The following DST variants were observed in gnomAD, a reference collection of about 807,000 sequenced individuals.
DST encodes dystonin.
Under a neutral mutation model 875.2 loss-of-function variants are expected in DST, and 253 were observed. That is an observed-to-expected ratio of 0.29 (90% CI 0.26 to 0.32). The LOEUF (loss-of-function observed/expected upper bound fraction) is 0.32, where lower values mean the gene tolerates loss of function less well. DST is among the 10% of genes least tolerant of loss of function. DST has a pLI of 1.00. For synonymous variants in DST, 3,124 were observed against 3,197.1 expected, an observed-to-expected ratio of 0.98 and a Z score of 0.77; for missense variants, 8,287 against 9,111.6, an observed-to-expected ratio of 0.91 and a Z score of 3.68.
chr6:56,844,345 C>A (rs1054002765), intron 4 of DST, among the ~76,000 whole-genome samples: 1 of 152,204 alleles, frequency 6.6e-6, no homozygotes, highest in African/African-American at 2.4e-5. Flanking sequence ...CCCACAGGCG[C>A]ATCTGCTGCT....
chr6:56,645,823 C>A, intron 15 of DST, 43 bp downstream of exon 15: 1 of 1,602,964 alleles, frequency 6.2e-7, no homozygotes, highest in Non-Finnish European at 8.5e-7. Flanking sequence ...ACAAAGGCCC[C>A]CTCCCCACTT....
rs536532058 is a variant in DST, at chr6:56,927,107, T to A, written c.217-26486A>T. Among the ~76,000 whole-genome samples the A allele has an allele frequency of 4.5e-4, 69 of 152,312 alleles. No homozygotes were observed. The Middle Eastern group carries it at 0.01, about 23-fold the overall frequency. ...CAGAGACATGCTGCCTGTTTCACAG[T>A]TTGATCTAAACTAATGCTGGTAGCC... is the stretch of plus-strand genomic sequence containing the variant. On this transcript the variant is annotated intron_variant, in intron 2 of 103. Transcript: ENST00000680361.
chr6:56,871,088 A>G (rs1485041728), intron 3 of DST: 3 of 527,434 alleles, frequency 5.7e-6, no homozygotes, highest in Non-Finnish European at 1.0e-5. Context: ...TTTGCAGAAG[A>G]GAAAACATAT....
intron 4 of DST, among the ~76,000 whole-genome samples, chr6:56,840,861 C>T (rs2099799111): frequency 6.6e-6 from 1 of 152,124 alleles, no homozygotes; most frequent in Non-Finnish European, 1.5e-5. Context: ...GAATTGGTTC[C>T]AGCTGACTCC....
At position 56,714,452 on chromosome 6, in the gene DST, A is replaced by G. The variant is rs1466932288; in HGVS notation, c.688-10083T>C. ...CTTAAAAACTAGTTTTCCCAGTTGT[A>G]AAAGCCCAGTGTCACAGAAGAGGTA... is the stretch of plus-strand genomic sequence containing the variant. On this transcript the variant is annotated intron_variant, in intron 5 of 103. Coordinates refer to ENST00000680361, the MANE Select transcript of DST (RefSeq NM_001374736.1). The surrounding 1 kb of genome is among the most constrained non-coding windows in gnomAD (Gnocchi z 4.5). Among the ~76,000 whole-genome samples the G allele has an allele frequency of 1.3e-5, 2 of 152,180 alleles. No individual in the cohort carries two copies. Among genetic ancestry groups the G allele is most frequent in the African/African-American group, 4.8e-5 (2 of 41,448 alleles).
intron 4 of DST, among the ~76,000 whole-genome samples, chr6:56,790,050 C>T (rs1043696734): frequency 1.3e-5 from 2 of 152,158 alleles, no homozygotes; most frequent in East Asian, 3.8e-4. Context: ...GAGGTGAGCT[C>T]ATTTCTCTTC....
intron 9 of DST, among the ~76,000 whole-genome samples, chr6:56,671,489 A>G (rs2099101389): frequency 6.6e-6 from 1 of 152,150 alleles, no homozygotes; most frequent in Admixed American, 6.6e-5. Flanking sequence ...ACCTTTATCA[A>G]CTGATTTTTT....
At chr6:56,924,531 A>G (rs1316258849) in intron 2 of DST, among the ~76,000 whole-genome samples, 1 of 152,216 alleles carries the variant, frequency 6.6e-6, no homozygotes, top group East Asian at 1.9e-4. Context: ...TGCTTAAACA[A>G]GAAAATCTGA....
At chr6:56,725,468 C>T (rs139135241) in intron 5 of DST, among the ~76,000 whole-genome samples, 3,135 of 152,282 alleles carry the variant, frequency 0.021, 37 homozygotes, top group Middle Eastern at 0.079. Flanking sequence ...ACCAGCTGCT[C>T]TGGGAGTCCA....
rs1324863092 is a variant in DST at position 56,511,385 on chromosome 6, T to A, written c.18592A>T (p.Ile6198Leu). Residue 6198 changes from isoleucine (I) to leucine (L), a missense_variant, in exon 73 of 104, where the codon ATA becomes TTA. Ile to Leu is a conservative substitution (Grantham distance 5). Transcript: ENST00000680361. ...QEEHRQLREL[I>L]AEHKPHIDKM... The stretch of plus-strand genomic sequence containing the variant: ...TCTATATGAGGCTTGTGTTCAGCTA[T>A]CAACTCACGCAGTTGCTATAACAAA... 1 of 1,604,590 alleles carries A rather than the reference T, an allele frequency of 6.2e-7. No homozygotes were observed. The highest frequency in any genetic ancestry group is 1.7e-5 in the Admixed American group (1 of 58,828).
At chr6:56,878,589 A>G (rs569216652) in intron 3 of DST, among the ~76,000 whole-genome samples, 5 of 152,326 alleles carry the variant, frequency 3.3e-5, no homozygotes, top group Admixed American at 3.3e-4. Flanking sequence ...AGGCAGGAAT[A>G]CACAAGCAAA....
chr6:56,686,640 T>G (rs751533702), intron 9 of DST, among the ~76,000 whole-genome samples: 19 of 152,142 alleles, frequency 1.2e-4, no homozygotes, highest in Non-Finnish European at 2.5e-4. Context: ...TAGTAAATAT[T>G]TGCTAAAGAA....
chr6:56,739,613 T>G (rs767242270), intron 4 of DST, among the ~76,000 whole-genome samples: 4 of 152,118 alleles, frequency 2.6e-5, no homozygotes, highest in Non-Finnish European at 5.9e-5. Context: ...CAGGTTGAGA[T>G]AGGAGGTCAG....
chr6:56,587,287 G>A (rs1327068484), intron 49 of DST, among the ~76,000 whole-genome samples: 2 of 152,130 alleles, frequency 1.3e-5, no homozygotes, highest in Non-Finnish European at 2.9e-5. Flanking sequence ...GAGCCGATGC[G>A]ATCAACTGGA....
intron 37 of DST, among the ~76,000 whole-genome samples, chr6:56,613,302 C>A (rs9357927): frequency 3.3e-5 from 5 of 151,960 alleles, no homozygotes; most frequent in African/African-American, 1.2e-4. Context: ...AAGACTATGA[C>A]TGAATACTTC....
intron 2 of DST, among the ~76,000 whole-genome samples, chr6:56,950,100 C>G (rs1592877463): frequency 6.6e-6 from 1 of 152,272 alleles, no homozygotes; most frequent in African/African-American, 2.4e-5. Flanking sequence ...AATTCAACAC[C>G]AGAGGACAGA....
At chr6:56,566,341 G>C (rs1410000246) in intron 55 of DST, among the ~76,000 whole-genome samples, 2 of 152,178 alleles carry the variant, frequency 1.3e-5, no homozygotes, top group Non-Finnish European at 2.9e-5. Flanking sequence ...GCACCCGAGG[G>C]AATCTCCTGG....
intron 58 of DST, among the ~76,000 whole-genome samples, chr6:56,558,150 C>T (rs531975145): frequency 6.6e-6 from 1 of 152,240 alleles, no homozygotes; most frequent in South Asian, 2.1e-4. Flanking sequence ...AGCTTCCTAA[C>T]TCTATTATAC....
At chr6:56,863,774 C>T (rs1772545258) in intron 3 of DST, 1 of 152,188 alleles carries the variant, frequency 6.6e-6, no homozygotes, top group African/African-American at 2.4e-5. Context: ...AAAACAAGCA[C>T]ACCATAGAAC....
Sources: allele counts gnomAD v4.1 joint callset (sites outside exome capture counted in the v4.1 genomes callset), GRCh38; gene constraint gnomAD v4.1.1; non-coding constraint Gnocchi (gnomAD v3.1); transcripts MANE v1.5; gene names NCBI Gene and HGNC (gene_info 2026-07-23, HGNC 2026-07-21).